ARID5B: variants seen among roughly 807,000 people sequenced by gnomAD.
The protein encoded by ARID5B is AT-rich interaction domain 5B.
In ARID5B, 13 loss-of-function variants were observed where a neutral mutation model predicts 97.2. The observed-to-expected ratio is 0.13, with a 90% CI of 0.09 to 0.21. ARID5B has a LOEUF of 0.21. ARID5B is among the 10% of genes least tolerant of loss of function. The pLI is 1.00. For synonymous variants in ARID5B, 556 were observed against 570.3 expected (o/e 0.97, Z 0.36); for missense variants, 1,210 against 1,465.3 (o/e 0.83, Z 2.84).
At chr10:62,068,493 T>C (rs1840021584) in intron 7 of ARID5B, among the ~76,000 whole-genome samples, 1 of 152,160 alleles carries the variant, frequency 6.6e-6, no homozygotes, top group Non-Finnish European at 1.5e-5. Context: ...TCCTCAGATT[T>C]ACAATTACAG....
intron 3 of ARID5B, among the ~76,000 whole-genome samples, chr10:61,988,846 G>A (rs1233912641): frequency 6.6e-6 from 1 of 151,742 alleles, no homozygotes; most frequent in Non-Finnish European, 1.5e-5. Context: ...TTCAAGAGAT[G>A]CTATAAATGT....
intron 1 of ARID5B, 63 bp downstream of exon 1, chr10:61,901,793 TCACCCACACCTCTGCACC>T: frequency 8.7e-7 from 1 of 1,146,988 alleles, no homozygotes; most frequent in African/African-American, 2.3e-5. Flanking sequence ...ACCCCCCAGC[TCACCCACACCTCTGCACC>T]CACCCACACC....
chr10:62,023,413 C>T (rs1320979761), intron 4 of ARID5B, among the ~76,000 whole-genome samples: 1 of 152,158 alleles, frequency 6.6e-6, no homozygotes, highest in African/African-American at 2.4e-5. Context: ...GACACAGAAT[C>T]CTTTTGAGTC....
chr10:61,994,988 T>C (rs1838976803), intron 3 of ARID5B, among the ~76,000 whole-genome samples: 1 of 152,230 alleles, frequency 6.6e-6, no homozygotes, highest in Non-Finnish European at 1.5e-5. Context: ...GACATTTTAA[T>C]AGAATATCAT....
intron 2 of ARID5B, among the ~76,000 whole-genome samples, chr10:61,939,408 A>T (rs2063559874): frequency 6.6e-6 from 1 of 152,182 alleles, no homozygotes; most frequent in Non-Finnish European, 1.5e-5. Context: ...GTTTCCTAGA[A>T]GCAATTAGAG....
intron 2 of ARID5B, among the ~76,000 whole-genome samples, chr10:61,920,458 G>A (rs1235624263): frequency 6.6e-6 from 1 of 151,608 alleles, no homozygotes; most frequent in Non-Finnish European, 1.5e-5. Flanking sequence ...TCAGCCTCCT[G>A]AGTAGCTGGG....
At chr10:61,906,459 T>G (rs1241216748) in intron 2 of ARID5B, among the ~76,000 whole-genome samples, 1 of 152,222 alleles carries the variant, frequency 6.6e-6, no homozygotes, top group Non-Finnish European at 1.5e-5. Flanking sequence ...GCCAAGTGCT[T>G]AATCTATTGG....
At chr10:62,005,697 A>C (rs1288869459) in intron 4 of ARID5B, among the ~76,000 whole-genome samples, 1 of 152,188 alleles carries the variant, frequency 6.6e-6, no homozygotes, top group Non-Finnish European at 1.5e-5. Flanking sequence ...AAGGGACAAA[A>C]CCTTGAATTT....
intron 3 of ARID5B, among the ~76,000 whole-genome samples, chr10:61,943,251 T>C (rs1351791618): frequency 6.6e-6 from 1 of 152,242 alleles, no homozygotes; most frequent in Admixed American, 6.5e-5. Flanking sequence ...CAACTTTCTC[T>C]TCAGCCTCTT....
chr10:62,042,211 AC>A (rs1170614593), intron 4 of ARID5B, among the ~76,000 whole-genome samples: 1 of 152,224 alleles, frequency 6.6e-6, no homozygotes, highest in African/African-American at 2.4e-5. Flanking sequence ...AAAAATGAAA[AC>A]AGGAGCTATT....
chr10:62,034,056 T>G (rs1839530374), intron 4 of ARID5B, among the ~76,000 whole-genome samples: 1 of 152,226 alleles, frequency 6.6e-6, no homozygotes, highest in African/African-American at 2.4e-5. Context: ...GGGGCCATTT[T>G]AAATGGAGCG....
At position 61,902,886 on chromosome 10, in the gene ARID5B, C is replaced by T. The variant is rs868331489; in HGVS notation, c.276+473C>T. Reference sequence around the variant, plus strand: ...TAAGTATTTGATATGTTTAAGAGGGCGGAAATTACGAAATGGAGGCAGAAT... The same window carrying T: ...TAAGTATTTGATATGTTTAAGAGGGTGGAAATTACGAAATGGAGGCAGAAT... On this transcript the variant is annotated intron_variant, in intron 2 of 9. Transcript: ENST00000279873. Among the ~76,000 whole-genome samples the T allele has an allele frequency of 3.3e-5, 5 of 151,656 alleles. 1 individual carries two copies. In the Middle Eastern group the frequency reaches 0.014, roughly 413 times the overall value.
At chr10:61,972,040 AT>A (rs1347209519) in intron 3 of ARID5B, among the ~76,000 whole-genome samples, 5 of 152,096 alleles carry the variant, frequency 3.3e-5, no homozygotes, top group Admixed American at 6.5e-5. Flanking sequence ...TTATTTTGTT[AT>A]AATAAAAACA....
chr10:61,940,459 T>C, intron 3 of ARID5B, 51 bp downstream of exon 3: 1 of 1,492,420 alleles, frequency 6.7e-7, no homozygotes, highest in Non-Finnish European at 9.1e-7. Context: ...ATATAGTAAC[T>C]TTTCGGTTGA....
At chr10:61,947,257 CTTTCTTTTTTTTT>C (rs1471943790) in intron 3 of ARID5B, among the ~76,000 whole-genome samples, 1 of 107,374 alleles carries the variant, frequency 9.3e-6, no homozygotes, top group Non-Finnish European at 2.0e-5. Context: ...TTCTCACTTA[CTTTCTTTTTTTTT>C]TTTTTTTTTT....
At chr10:61,981,531 C>T (rs1838776657) in intron 3 of ARID5B, among the ~76,000 whole-genome samples, 1 of 152,196 alleles carries the variant, frequency 6.6e-6, no homozygotes, top group Non-Finnish European at 1.5e-5. Context: ...ATCCACCCGA[C>T]TCAGCCTCCC....
At position 62,091,798 on chromosome 10, in the gene ARID5B, A is replaced by C; in HGVS notation, c.2335A>C (p.Ser779Arg). 6.2e-7 allele frequency: 1 copy of C among 1,614,088 alleles called. No homozygotes were observed. Among genetic ancestry groups the C allele is most frequent in the East Asian group, 2.2e-5 (1 of 44,880 alleles). Reference sequence around the variant, plus strand: ...TGACATCTTTAAGCATGAGAAACTGAGTCGATCAGATCCCCACCGCTGCAG... The same window carrying C: ...TGACATCTTTAAGCATGAGAAACTGCGTCGATCAGATCCCCACCGCTGCAG... Reference protein sequence around the residue: ...INDIFKHEKLSRSDPHRCSFS... With the variant: ...INDIFKHEKLRRSDPHRCSFS... Residue 779 changes from serine to arginine, a missense_variant, in exon 10 of 10, where the codon AGT (serine) becomes CGT (arginine). Ser to Arg is a moderately radical substitution (Grantham distance 110). Coordinates refer to ENST00000279873, the MANE Select transcript of ARID5B (RefSeq NM_032199.3).
At chr10:61,912,753 T>C (rs944229199) in intron 2 of ARID5B, among the ~76,000 whole-genome samples, 1 of 142,022 alleles carries the variant, frequency 7.0e-6, no homozygotes, top group African/African-American at 2.5e-5. Context: ...ATTACACATA[T>C]ATACATACTT....
At chr10:61,999,458 C>A (rs747137527) in intron 3 of ARID5B, among the ~76,000 whole-genome samples, 1 of 152,176 alleles carries the variant, frequency 6.6e-6, no homozygotes, top group Non-Finnish European at 1.5e-5. Flanking sequence ...AATCATCTGG[C>A]AACACAGTAC....
Sources: allele counts gnomAD v4.1 joint callset (sites outside exome capture counted in the v4.1 genomes callset), GRCh38; gene constraint gnomAD v4.1.1; transcripts MANE v1.5; gene names NCBI Gene and HGNC (gene_info 2026-07-23, HGNC 2026-07-21).